Variants in RNASEH1 observed in about 807,000 individuals in gnomAD.
RNASEH1 encodes ribonuclease H type II.
A neutral mutation model predicts 34.6 loss-of-function variants in RNASEH1; 27 were observed. The ratio of observed to expected loss-of-function variants is 0.78; its 90% confidence interval spans 0.58 to 1.08. The LOEUF is 1.08. RNASEH1 is among the 50% of genes least tolerant of loss of function. The probability of loss-of-function intolerance (pLI) is 0.00; values close to 1 mark genes in which losing one functional copy is unlikely to be tolerated. For synonymous variants in RNASEH1, 162 were observed against 138.4 expected, an observed-to-expected ratio of 1.17 and a Z score of -1.20; for missense variants, 349 against 373.6, an observed-to-expected ratio of 0.93 and a Z score of 0.54.
At position 3,544,559 on chromosome 2, in the gene RNASEH1, G is replaced by T. The variant is rs1341077377; in HGVS notation, c.*1226C>A. ...TCAGGATTACTTGTTGGGGCAAGGA[G>T]GGGGAGAAGAAGAGGGCTGTGGCTG... is the stretch of plus-strand genomic sequence containing the variant. On this transcript the variant is annotated 3_prime_UTR_variant, in exon 8 of 8. Coordinates refer to ENST00000315212, the MANE Select transcript of RNASEH1 (RefSeq NM_002936.6). 6.6e-6 allele frequency among the ~76,000 whole-genome samples: 1 copy of T among 152,192 alleles called. No individual in the cohort carries two copies. Among genetic ancestry groups the T allele is most frequent in the Non-Finnish European group, 1.5e-5 (1 of 68,034 alleles).
At chr2:3,532,437 G>A in the RNASEH1 span, 1 of 687,650 alleles carries the variant, frequency 1.5e-6, no homozygotes, top group Non-Finnish European at 2.7e-6. Flanking sequence ...CTCCCAAGGG[G>A]CCCCGTTACT....
chr2:3,541,628 G>A lies in RNASEH1; in HGVS notation c.*4157C>T, dbSNP rs773723378. 3.9e-5 allele frequency among the ~76,000 whole-genome samples: 6 copies of A among 152,148 alleles called. No homozygotes were observed. Among genetic ancestry groups the A allele is most frequent in the African/African-American group, 7.2e-5 (3 of 41,420 alleles). ...CCTCCCCCCACAGTACTTGCTCTGC[G>A]ATTCCACTCAGATAAAATTCTAGAA... On this transcript the variant is annotated 3_prime_UTR_variant, in exon 8 of 8. Coordinates refer to ENST00000315212, the MANE Select transcript of RNASEH1 (RefSeq NM_002936.6).
chr2:3,557,685 T>G, intron 1 of RNASEH1: 1 of 429,182 alleles, frequency 2.3e-6, no homozygotes, highest in East Asian at 7.3e-5. Flanking sequence ...CTCCAAGGGT[T>G]GTTACAAGGA....
intron 7 of RNASEH1, among the ~76,000 whole-genome samples, chr2:3,547,550 C>T (rs1451718309): frequency 1.3e-5 from 2 of 151,250 alleles, no homozygotes; most frequent in Non-Finnish European, 2.9e-5. Context: ...TGCAGTGGCG[C>T]GATCTCAGCT....
intron 1 of RNASEH1, 106 bp from the exon 2 acceptor site, chr2:3,557,010 G>A (rs1660572219): frequency 2.5e-6 from 2 of 798,230 alleles, no homozygotes; most frequent in East Asian, 5.4e-5. Flanking sequence ...GTATCTGAGG[G>A]AGACTGATTC....
Position 3,545,748 on chromosome 2 carries a change from C to G in RNASEH1, c.*37G>C, listed in dbSNP as rs1418753150. On this transcript the variant is annotated 3_prime_UTR_variant, in exon 8 of 8. Coordinates refer to ENST00000315212, the MANE Select transcript of RNASEH1 (RefSeq NM_002936.6). ...GTAAGTACAGGCAGCAAGACAGCCG[C>G]TGGCTCAAGTTCTCCCAAGGACTAA... 3 of 1,448,792 alleles carry G rather than the reference C, an allele frequency of 2.1e-6. No homozygotes were observed. Among genetic ancestry groups the G allele is most frequent in the Non-Finnish European group, 2.9e-6 (3 of 1,029,068 alleles). 89.7% of individuals were successfully genotyped at this position (1,448,792 alleles called of 1,614,324 possible). A position where few individuals can be genotyped will look rare whatever the true frequency, so the allele number is the denominator to read the frequency against.
chr2:3,550,973 T>A (rs576895581), intron 3 of RNASEH1, among the ~76,000 whole-genome samples: 1 of 152,238 alleles, frequency 6.6e-6, no homozygotes, highest in South Asian at 2.1e-4. Flanking sequence ...TCCCTCTAGA[T>A]AGAGGGTATG....
intron 1 of RNASEH1, 28 bp from the exon 2 acceptor site, chr2:3,556,932 T>C: frequency 6.7e-7 from 1 of 1,484,012 alleles, no homozygotes; most frequent in African/African-American, 1.4e-5. Flanking sequence ...TGTTATTTCC[T>C]TCTTCCTTCT....
intron 4 of RNASEH1, chr2:3,550,047 G>C (rs1196240257): frequency 3.8e-6 from 1 of 265,706 alleles, no homozygotes. Context: ...GGAGGCCAAG[G>C]TGGGAGGATC....
chr2:3,532,238 A>G, the RNASEH1 span: 3 of 702,138 alleles, frequency 4.3e-6, no homozygotes, highest in East Asian at 8.0e-5. Flanking sequence ...CCGTCTGCAA[A>G]CATTTCTCAT....
intron 2 of RNASEH1, among the ~76,000 whole-genome samples, 175 bp downstream of exon 2, chr2:3,556,614 G>T (rs1162929755): frequency 6.6e-6 from 1 of 152,194 alleles, no homozygotes; most frequent in East Asian, 1.9e-4. Context: ...AATACTGTAA[G>T]TAATATGAAC....
At chr2:3,546,853 CACAAA>C (rs1307926477) in intron 7 of RNASEH1, among the ~76,000 whole-genome samples, 1 of 152,180 alleles carries the variant, frequency 6.6e-6, no homozygotes, top group Non-Finnish European at 1.5e-5. Context: ...TAGGAAGTGA[CACAAA>C]ACAAATGTAA....
At chr2:3,532,126 G>A in the RNASEH1 span, 2 of 632,146 alleles carry the variant, frequency 3.2e-6, no homozygotes, top group Middle Eastern at 2.5e-4. Flanking sequence ...GAGTTTTGGG[G>A]AATGGAGGGA....
chr2:3,532,155 T>A, the RNASEH1 span: 1 of 663,456 alleles, frequency 1.5e-6, no homozygotes, highest in East Asian at 2.7e-5. Flanking sequence ...GTGTCTTCCG[T>A]GTCAGCTAAC....
chr2:3,557,805 G>T (rs996660056), intron 1 of RNASEH1: 3 of 1,152,018 alleles, frequency 2.6e-6, no homozygotes, highest in South Asian at 2.6e-5. Flanking sequence ...GGTAACGGGG[G>T]TTCGTTCTGA....
rs1423633342 is a variant in RNASEH1 at position 3,548,019 on chromosome 2, C to T, written c.686G>A (p.Gly229Glu). 1 of 1,614,000 alleles carries T rather than the reference C, an allele frequency of 6.2e-7. No individual in the cohort carries two copies. The highest frequency in any genetic ancestry group is 1.1e-5 in the South Asian group (1 of 91,066). ...TNWVQGWKKN[G>E]WKTSAGKEVI... Reference sequence around the variant, plus strand: ...CTCTTTCCCTGCACTTGTCTTCCACCCATTTTTCTTCCAACCTTGAACCCA... The same window carrying T: ...CTCTTTCCCTGCACTTGTCTTCCACTCATTTTTCTTCCAACCTTGAACCCA... Residue 229 changes from glycine (G) to glutamate (E), a missense_variant, in exon 7 of 8, where the codon GGG becomes GAG. Gly to Glu is a moderately conservative substitution (Grantham distance 98, BLOSUM62 -2). Transcript: ENST00000315212.
chr2:3,557,809 G>C, intron 1 of RNASEH1: 1 of 1,207,250 alleles, frequency 8.3e-7, no homozygotes, highest in Non-Finnish European at 1.1e-6. Context: ...ACGGGGGTTC[G>C]TTCTGATTAC....
chr2:3,553,356 G>C (rs535652626), intron 2 of RNASEH1, among the ~76,000 whole-genome samples: 5 of 151,758 alleles, frequency 3.3e-5, no homozygotes, highest in East Asian at 3.9e-4. Context: ...CTTCTGCAAC[G>C]AAGTTTTTCT....
At chr2:3,552,002 G>C in intron 3 of RNASEH1, 142 bp downstream of exon 3, 1 of 657,962 alleles carries the variant, frequency 1.5e-6, no homozygotes, top group Non-Finnish European at 2.5e-6. Flanking sequence ...AATGGCCTTA[G>C]TGATTTCTAA....
Sources: allele counts gnomAD v4.1 joint callset (sites outside exome capture counted in the v4.1 genomes callset), GRCh38; gene constraint gnomAD v4.1.1; transcripts MANE v1.5; gene names NCBI Gene and HGNC (gene_info 2026-07-23, HGNC 2026-07-21).